Variants in KCNH5 observed in about 807,000 individuals in gnomAD.
KCNH5 encodes potassium voltage-gated channel subfamily H member 5.
In KCNH5, 46 loss-of-function variants were observed where a neutral mutation model predicts 96.1. That is an observed-to-expected ratio of 0.48 (90% CI 0.38 to 0.61). The LOEUF (loss-of-function observed/expected upper bound fraction) is 0.61, where lower values mean the gene tolerates loss of function less well. Ranked by LOEUF, KCNH5 falls within the 20% of genes least tolerant of loss-of-function variation. The pLI, the probability that KCNH5 is intolerant of heterozygous loss-of-function variation, is 0.00. For synonymous variants in KCNH5, 439 were observed against 449.8 expected (o/e 0.98, Z 0.30); for missense variants, 907 against 1,225.8 (o/e 0.74, Z 3.88).
intron 1 of KCNH5, among the ~76,000 whole-genome samples, chr14:63,017,638 T>C (rs935724695): frequency 6.6e-6 from 1 of 151,718 alleles, no homozygotes; most frequent in African/African-American, 2.4e-5. Flanking sequence ...AATCCAATCA[T>C]ATTAGGCAGT....
intron 10 of KCNH5, among the ~76,000 whole-genome samples, chr14:62,732,861 G>A (rs8015326): frequency 0.99 from 151,370 of 152,208 alleles, 75,274 homozygotes; most frequent in Non-Finnish European, 1. Flanking sequence ...CTCTTGATAC[G>A]GTCTTGATAC....
chr14:62,965,760 ATGTACTGGCAGGCTTC>A (rs1300694569), intron 6 of KCNH5, among the ~76,000 whole-genome samples: 4 of 152,178 alleles, frequency 2.6e-5, no homozygotes, highest in African/African-American at 9.7e-5. Flanking sequence ...TGTTTACCAT[ATGTACTGGCAGGCTTC>A]TGTACATGGA....
intron 4 of KCNH5, among the ~76,000 whole-genome samples, chr14:62,999,144 TC>T (rs1229633689): frequency 2.0e-5 from 3 of 152,158 alleles, no homozygotes; most frequent in Non-Finnish European, 2.9e-5. Flanking sequence ...TAGTTTACAG[TC>T]CCACCAACAG....
intron 7 of KCNH5, among the ~76,000 whole-genome samples, chr14:62,910,941 A>ACACACACC (rs61033705): frequency 0.058 from 8,181 of 140,504 alleles, 338 homozygotes; most frequent in East Asian, 0.15. Context: ...ACACACACAC[A>ACACACACC]CCCCTCTGTT....
At chr14:62,920,101 C>A (rs1413014752) in intron 7 of KCNH5, among the ~76,000 whole-genome samples, 1 of 152,108 alleles carries the variant, frequency 6.6e-6, no homozygotes, top group Non-Finnish European at 1.5e-5. Flanking sequence ...TCTGATCATG[C>A]TGCCAGTTGA....
rs1891424293 is a variant in KCNH5 at position 63,021,395 on chromosome 14, G to A, written c.74-4441C>T. 2.0e-5 allele frequency among the ~76,000 whole-genome samples: 3 copies of A among 152,118 alleles called. No homozygotes were observed. The South Asian group carries it at 6.2e-4, about 31-fold the overall frequency. On this transcript the variant is annotated intron_variant, in intron 1 of 10. Transcript: ENST00000322893. The stretch of plus-strand genomic sequence containing the variant: ...CCTAAAGTCTATACTATTACAGTTA[G>A]GTCAGTCTCTTCATTATGTTCCGAA...
intron 10 of KCNH5, among the ~76,000 whole-genome samples, chr14:62,771,895 A>G (rs1157748475): frequency 6.6e-6 from 1 of 152,182 alleles, no homozygotes; most frequent in African/African-American, 2.4e-5. Flanking sequence ...TGATCACTCA[A>G]TCTGGAACCA....
chr14:62,747,761 T>C (rs951133939), intron 10 of KCNH5, among the ~76,000 whole-genome samples: 8 of 152,224 alleles, frequency 5.3e-5, no homozygotes, highest in Admixed American at 3.9e-4. Context: ...ACTTAAGATG[T>C]ATCATTAGCC....
intron 3 of KCNH5, among the ~76,000 whole-genome samples, chr14:63,003,502 ATT>A (rs1257086742): frequency 1.5e-4 from 18 of 123,218 alleles, no homozygotes; most frequent in African/African-American, 5.9e-4. Flanking sequence ...TTATATATAT[ATT>A]TTATATATAT....
chr14:62,911,261 ATCTT>A (rs912037300), intron 7 of KCNH5, among the ~76,000 whole-genome samples: 1 of 151,224 alleles, frequency 6.6e-6, no homozygotes, highest in Admixed American at 6.6e-5. Flanking sequence ...ATTCAACACA[ATCTT>A]TCTTTCTTTT....
At chr14:62,834,471 C>T (rs1289569922) in intron 8 of KCNH5, among the ~76,000 whole-genome samples, 1 of 151,908 alleles carries the variant, frequency 6.6e-6, no homozygotes, top group African/African-American at 2.4e-5. Context: ...ACTAGAGGGA[C>T]AATTAACAAA....
intron 8 of KCNH5, among the ~76,000 whole-genome samples, chr14:62,815,087 C>CTGT (rs1886951145): frequency 2.6e-5 from 4 of 152,188 alleles, no homozygotes; most frequent in Middle Eastern, 3.4e-3. Flanking sequence ...ACATAATGAA[C>CTGT]CGCTATTCAG....
chr14:62,803,548 C>G (rs541276109), intron 8 of KCNH5, among the ~76,000 whole-genome samples: 3 of 152,258 alleles, frequency 2.0e-5, no homozygotes, highest in African/African-American at 7.2e-5. Context: ...CTTGTTCATT[C>G]TGGTCTCTGA....
chr14:62,961,202 T>C (rs1890198828), intron 6 of KCNH5, among the ~76,000 whole-genome samples: 1 of 152,138 alleles, frequency 6.6e-6, no homozygotes, highest in Non-Finnish European at 1.5e-5. Flanking sequence ...CCCAAACTCC[T>C]TAACACAACC....
intron 7 of KCNH5, among the ~76,000 whole-genome samples, chr14:62,928,951 A>G (rs1889528014): frequency 6.6e-6 from 1 of 152,030 alleles, no homozygotes; most frequent in Non-Finnish European, 1.5e-5. Flanking sequence ...CCGTATCAAC[A>G]ATTCCAGAAT....
At chr14:62,853,468 TA>T (rs1887859848) in intron 7 of KCNH5, among the ~76,000 whole-genome samples, 5 of 124,400 alleles carry the variant, frequency 4.0e-5, no homozygotes, top group African/African-American at 1.6e-4. Flanking sequence ...TATATATATA[TA>T]TATATATATA....
At chr14:62,960,631 A>G (rs1205487198) in intron 6 of KCNH5, among the ~76,000 whole-genome samples, 2 of 152,162 alleles carry the variant, frequency 1.3e-5, no homozygotes, top group Non-Finnish European at 2.9e-5. Context: ...GAATGATTAC[A>G]TAGTCCATTT....
intron 8 of KCNH5, among the ~76,000 whole-genome samples, chr14:62,809,939 A>G (rs1189885006): frequency 6.6e-6 from 1 of 152,066 alleles, no homozygotes; most frequent in African/African-American, 2.4e-5. Context: ...AAAAACCTGG[A>G]TCAGTATTCT....
intron 6 of KCNH5, among the ~76,000 whole-genome samples, chr14:62,964,103 T>C (rs1306333616): frequency 2.0e-5 from 3 of 152,074 alleles, no homozygotes; most frequent in Admixed American, 6.6e-5. Context: ...TTTTCCTCAC[T>C]TCCCTATACT....
Sources: allele counts gnomAD v4.1 joint callset (sites outside exome capture counted in the v4.1 genomes callset), GRCh38; gene constraint gnomAD v4.1.1; transcripts MANE v1.5; gene names NCBI Gene and HGNC (gene_info 2026-07-23, HGNC 2026-07-21).